Variants in PLEKHS1 observed in about 807,000 individuals in gnomAD.
PLEKHS1 encodes the protein pleckstrin homology domain-containing family S member 1.
Under a neutral mutation model 51.0 loss-of-function variants are expected in PLEKHS1, and 55 were observed. The ratio of observed to expected loss-of-function variants is 1.08; its 90% CI spans 0.87 to 1.35. The LOEUF is 1.35. PLEKHS1 is among the 40% of genes most tolerant of loss of function. The pLI, the probability that PLEKHS1 is intolerant of heterozygous loss-of-function variation, is 0.00. For missense variants in PLEKHS1, 398 were observed against 423.0 expected, an observed-to-expected ratio of 0.94 and a Z score of 0.52; for synonymous variants, 153 against 144.8, an observed-to-expected ratio of 1.06 and a Z score of -0.41.
chr10:113,777,538 G>C (rs560016958), intron 11 of PLEKHS1: 3 of 1,552,902 alleles, frequency 1.9e-6, no homozygotes, highest in East Asian at 2.4e-5. Flanking sequence ...AATCAGACTG[G>C]TGCAGGGATT....
In PLEKHS1 at chr10:113,774,492, G is replaced by A. The variant is rs181291054; in HGVS notation, c.779+159G>A. 1.2e-3 allele frequency among the ~76,000 whole-genome samples: 184 copies of A among 152,202 alleles called. 1 individual carries two copies. Among genetic ancestry groups the A allele is most frequent in the African/African-American group, 4.3e-3 (180 of 41,520 alleles). On this transcript the variant is annotated intron_variant, in intron 9 of 11. Coordinates refer to ENST00000361048, the Ensembl canonical transcript of PLEKHS1. ...TCGTCTCAACACACAAAAAATGAGGGAGTCATGTCTCTTCCCACAGAAAAC... is the reference window on the plus strand; with the variant it reads ...TCGTCTCAACACACAAAAAATGAGGAAGTCATGTCTCTTCCCACAGAAAAC...
intron 11 of PLEKHS1, 129 bp downstream of exon 12, chr10:113,777,388 A>G: frequency 1.2e-6 from 2 of 1,610,370 alleles, no homozygotes; most frequent in Non-Finnish European, 1.7e-6. Context: ...CATCAAGTGC[A>G]AATAACAGAA....
intron 2 of PLEKHS1, among the ~76,000 whole-genome samples, chr10:113,762,159 C>T (rs1843960263): frequency 6.6e-6 from 1 of 151,852 alleles, no homozygotes; most frequent in Non-Finnish European, 1.5e-5. Flanking sequence ...TAGATATGTC[C>T]CCTCTCTCCT....
chr10:113,759,271 G>C (rs189711013), intron 2 of PLEKHS1, among the ~76,000 whole-genome samples: 1 of 152,274 alleles, frequency 6.6e-6, no homozygotes, highest in African/African-American at 2.4e-5. Context: ...AGGTGTGATG[G>C]CCGGCACCTG....
chr10:113,751,921 A>G (rs1256591002), intron 1 of PLEKHS1, among the ~76,000 whole-genome samples, 160 bp downstream of exon 1: 1 of 152,212 alleles, frequency 6.6e-6, no homozygotes, highest in African/African-American at 2.4e-5. Context: ...AGGCTATACT[A>G]TAGTCAGAGG....
chr10:113,758,162 T>C (rs1843758100), intron 2 of PLEKHS1, among the ~76,000 whole-genome samples: 1 of 152,234 alleles, frequency 6.6e-6, no homozygotes, highest in East Asian at 1.9e-4. Flanking sequence ...TTTTATGACA[T>C]CTAGAATGGT....
exon 3 of PLEKHS1, chr10:113,766,472 A>G (rs570061060): frequency 6.2e-7 from 1 of 1,604,598 alleles, no homozygotes; most frequent in Non-Finnish European, 8.5e-7. Context: ...TTATTAAATC[A>G]CCACCTTCTC....
intron 9 of PLEKHS1, 140 bp downstream of exon 9, chr10:113,774,473 C>A: frequency 1.6e-6 from 1 of 614,808 alleles, no homozygotes; most frequent in Non-Finnish European, 2.8e-6. Flanking sequence ...TCAGTCGTCT[C>A]AACACACAAA....
exon 12 of PLEKHS1, chr10:113,781,019 T>C (rs1844850664): frequency 1.9e-6 from 1 of 527,182 alleles, no homozygotes; most frequent in Non-Finnish European, 3.4e-6. Context: ...TCAGCTATTG[T>C]CCCAAACACC....
At chr10:113,752,734 C>T (rs11196473) in intron 1 of PLEKHS1, among the ~76,000 whole-genome samples, 15,428 of 152,210 alleles carry the variant, frequency 0.1, 863 homozygotes, top group South Asian at 0.14. Flanking sequence ...TCTCATTTTA[C>T]GGTGGGTGGG....
At chr10:113,776,177 T>C (rs1010456646) in intron 11 of PLEKHS1, among the ~76,000 whole-genome samples, 1 of 152,126 alleles carries the variant, frequency 6.6e-6, no homozygotes, top group Non-Finnish European at 1.5e-5. Flanking sequence ...TCATTTCCAA[T>C]CACTGTACAA....
Position 113,755,243 on chromosome 10 carries a change from C to G in PLEKHS1, c.-19-16C>G. The G allele has an allele frequency of 1.9e-6, 3 of 1,602,750 alleles. No individual in the cohort carries two copies. Among genetic ancestry groups the G allele is most frequent in the Non-Finnish European group, 2.6e-6 (3 of 1,175,372 alleles). Reference sequence around the variant, plus strand: ...AGTGTTGTTTGGGGACTAACACTAACCCTTCCTTTTGACAGGGGAGGACAC... The same window carrying G: ...AGTGTTGTTTGGGGACTAACACTAAGCCTTCCTTTTGACAGGGGAGGACAC... On this transcript the variant is annotated splice_polypyrimidine_tract_variant and intron_variant, in intron 1 of 11. Coordinates refer to ENST00000361048, the Ensembl canonical transcript of PLEKHS1.
chr10:113,753,851 C>T (rs373364038), intron 1 of PLEKHS1, among the ~76,000 whole-genome samples: 2 of 152,130 alleles, frequency 1.3e-5, no homozygotes, highest in South Asian at 2.1e-4. Flanking sequence ...TGCTCTATCA[C>T]GCAGGCTGGA....
In PLEKHS1 at chr10:113,752,594, G is replaced by C. The variant is rs536813992; in HGVS notation, c.-20+833G>C. Among the ~76,000 whole-genome samples the C allele has an allele frequency of 1.4e-4, 21 of 152,312 alleles. 1 individual carries two copies. The South Asian group carries it at 4.4e-3, about 32-fold the overall frequency. ...TAATAACCTTCATGTTACAGATGAAGAAATGGAGGTGTAGAGAAGTATTAT... is the reference window on the plus strand; with the variant it reads ...TAATAACCTTCATGTTACAGATGAACAAATGGAGGTGTAGAGAAGTATTAT... On this transcript the variant is annotated intron_variant, in intron 1 of 11. Transcript: ENST00000361048.
exon 7 of PLEKHS1, chr10:113,769,900 G>A: frequency 3.1e-6 from 5 of 1,605,080 alleles, no homozygotes; most frequent in Non-Finnish European, 4.3e-6. Flanking sequence ...TCCAAGACAA[G>A]GTAATGGGGC....
At chr10:113,759,201 C>T (rs1249488453) in intron 2 of PLEKHS1, among the ~76,000 whole-genome samples, 1 of 152,052 alleles carries the variant, frequency 6.6e-6, no homozygotes, top group South Asian at 2.1e-4. Flanking sequence ...GTCAGGAGTT[C>T]AAGACCAGCC....
intron 6 of PLEKHS1, among the ~76,000 whole-genome samples, chr10:113,769,503 G>A (rs1218610055): frequency 2.0e-5 from 3 of 152,176 alleles, no homozygotes; most frequent in Non-Finnish European, 4.4e-5. Flanking sequence ...AGAGCAAAGG[G>A]AACTGGGGTG....
At chr10:113,767,612 A>G in intron 5 of PLEKHS1, 133 bp downstream of exon 5, 1 of 904,272 alleles carries the variant, frequency 1.1e-6, no homozygotes, top group South Asian at 3.1e-5. Flanking sequence ...TGGCAATCTT[A>G]GTTATTTTTA....
At chr10:113,760,224 T>C (rs77413258) in intron 2 of PLEKHS1, among the ~76,000 whole-genome samples, 2,534 of 152,330 alleles carry the variant, frequency 0.017, 68 homozygotes, top group African/African-American at 0.058. Flanking sequence ...AGTATTCCAT[T>C]GTATAGATGT....
Sources: allele counts gnomAD v4.1 joint callset (sites outside exome capture counted in the v4.1 genomes callset), GRCh38; gene constraint gnomAD v4.1.1; transcripts MANE v1.5; gene names NCBI Gene and HGNC (gene_info 2026-07-23, HGNC 2026-07-21).